NCOR2: variants seen among roughly 807,000 people sequenced by gnomAD.
The protein encoded by NCOR2 is CTG repeat protein 26.
A neutral mutation model predicts 262.9 loss-of-function variants in NCOR2; 81 were observed. The ratio of observed to expected loss-of-function variants is 0.31; its 90% confidence interval spans 0.26 to 0.37. NCOR2 has a LOEUF of 0.37. Ranked by LOEUF, NCOR2 falls within the 10% of genes least tolerant of loss-of-function variation. The pLI, the probability that NCOR2 is intolerant of heterozygous loss-of-function variation, is 1.00. For synonymous variants in NCOR2, 1,659 were observed against 1,559.3 expected, an observed-to-expected ratio of 1.06 and a Z score of -1.51; for missense variants, 3,385 against 3,621.4, an observed-to-expected ratio of 0.93 and a Z score of 1.68.
At chr12:124,361,385 G>C (rs1189249272) in intron 22 of NCOR2, among the ~76,000 whole-genome samples, 1 of 152,264 alleles carries the variant, frequency 6.6e-6, no homozygotes, top group African/African-American at 2.4e-5. Flanking sequence ...CTGACCTGGA[G>C]AAGATGCCTC....
Position 124,440,394 on chromosome 12 carries a change from C to A in NCOR2, c.816-2398G>T, listed in dbSNP as rs1400492077. 2.0e-5 allele frequency among the ~76,000 whole-genome samples: 3 copies of A among 152,134 alleles called. No individual in the cohort carries two copies. The highest frequency in any genetic ancestry group is 2.9e-5 in the Non-Finnish European group (2 of 68,002). Reference sequence around the variant, plus strand: ...CATTCTGGTGGTGACTTGGCCAGGGCCTCCCCACCTTCCATCAGTCTGGCC... The same window carrying A: ...CATTCTGGTGGTGACTTGGCCAGGGACTCCCCACCTTCCATCAGTCTGGCC... On this transcript the variant is annotated intron_variant, in intron 7 of 46. Transcript: ENST00000405201. This position sits in a 1 kb window ranked among gnomAD's most constrained non-coding sequence, Gnocchi z 5.7.
At chr12:124,536,104 T>C (rs1431868008), upstream of NCOR2, among the ~76,000 whole-genome samples, 1 of 152,162 alleles carries the variant, frequency 6.6e-6, no homozygotes, top group African/African-American at 2.4e-5. Context: ...GTTTTTGTTT[T>C]TGTTTTGGAT....
At chr12:124,512,143 C>A (rs2049427831) in intron 1 of NCOR2, among the ~76,000 whole-genome samples, 1 of 152,162 alleles carries the variant, frequency 6.6e-6, no homozygotes, top group South Asian at 2.1e-4. Context: ...AAATCCTGGG[C>A]TCAAGTGATG....
At chr12:124,445,065 G>A (rs778427210) in intron 7 of NCOR2, among the ~76,000 whole-genome samples, 1 of 152,200 alleles carries the variant, frequency 6.6e-6, no homozygotes, top group African/African-American at 2.4e-5. Context: ...TGAGGCAGCA[G>A]GAGGGAAGAA....
At chr12:124,430,897 CAA>C (rs1325773421) in intron 8 of NCOR2, 110 bp from the exon 11 acceptor site, 26 of 1,299,046 alleles carry the variant, frequency 2.0e-5, no homozygotes, top group Non-Finnish European at 2.6e-5. Context: ...CGCACACACA[CAA>C]AGTCACACAG....
chr12:124,544,099 G>A (rs2051467205), intron 1 of NCOR2, among the ~76,000 whole-genome samples: 3 of 152,320 alleles, frequency 2.0e-5, no homozygotes, highest in Admixed American at 1.3e-4. Flanking sequence ...CCCCTGCCCG[G>A]GGAGCCCCAG....
exon 47 of NCOR2, chr12:124,325,346 C>A: frequency 2.7e-6 from 3 of 1,122,310 alleles, no homozygotes; most frequent in Non-Finnish European, 2.3e-6. Context: ...TCCTGCAGGG[C>A]CGTTCCTGTG....
At chr12:124,414,020 G>A (rs922298261) in intron 13 of NCOR2, among the ~76,000 whole-genome samples, 13 of 145,658 alleles carry the variant, frequency 8.9e-5, no homozygotes, top group African/African-American at 3.2e-4. Flanking sequence ...TCCAGCATCC[G>A]ACTCCCCACT....
chr12:124,476,994 A>G (rs2047137377), intron 3 of NCOR2, among the ~76,000 whole-genome samples: 1 of 152,086 alleles, frequency 6.6e-6, no homozygotes, highest in African/African-American at 2.4e-5. Flanking sequence ...GTGGACAGAC[A>G]TAAAAGGCTG....
At chr12:124,437,732 C>T (rs1212602378) in intron 8 of NCOR2, among the ~76,000 whole-genome samples, 198 bp downstream of exon 10, 1 of 152,138 alleles carries the variant, frequency 6.6e-6, no homozygotes, top group African/African-American at 2.4e-5. Flanking sequence ...CCCCCACCCC[C>T]ACCCACCCTG....
chr12:124,367,439 G>A (rs2039126341), intron 20 of NCOR2, among the ~76,000 whole-genome samples: 2 of 152,132 alleles, frequency 1.3e-5, no homozygotes, highest in South Asian at 2.1e-4. Flanking sequence ...TCAAGTTCTC[G>A]AGGGGAACGA....
chr12:124,556,372 G>A (rs1383796120), intron 1 of NCOR2: 2 of 152,286 alleles, frequency 1.3e-5, no homozygotes, highest in East Asian at 1.9e-4. Flanking sequence ...ACACATCTAC[G>A]AGGCACCCAC....
intron 16 of NCOR2, among the ~76,000 whole-genome samples, chr12:124,391,751 A>AT (rs1328998219): frequency 6.6e-6 from 1 of 152,228 alleles, no homozygotes; most frequent in Non-Finnish European, 1.5e-5. Context: ...CATAGGTACG[A>AT]TGTGAAAAAG....
chr12:124,564,489 C>A (rs1594084249), intron 1 of NCOR2, among the ~76,000 whole-genome samples: 1 of 152,286 alleles, frequency 6.6e-6, no homozygotes, highest in East Asian at 1.9e-4. Context: ...GGAAAACACA[C>A]ACACACAAAT....
chr12:124,439,756 A>T (rs1363108576), intron 7 of NCOR2, among the ~76,000 whole-genome samples: 2 of 151,800 alleles, frequency 1.3e-5, no homozygotes, highest in African/African-American at 4.8e-5. Flanking sequence ...AGAGAGAGGC[A>T]GTCACAGAGA....
intron 1 of NCOR2, among the ~76,000 whole-genome samples, chr12:124,492,090 C>T (rs766635772): frequency 5.3e-5 from 8 of 152,198 alleles, no homozygotes; most frequent in Admixed American, 3.3e-4. Flanking sequence ...CCGCAGATGA[C>T]GCCAGGGCAG....
exon 5 of NCOR2, chr12:124,466,241 G>A (rs1443072498): frequency 6.2e-7 from 1 of 1,609,732 alleles, no homozygotes; most frequent in East Asian, 2.2e-5. Flanking sequence ...GGTGACACGG[G>A]CTTCTCAGGC....
intron 1 of NCOR2, 32 bp from the exon 4 acceptor site, chr12:124,486,600 G>A: frequency 6.5e-7 from 1 of 1,540,626 alleles, no homozygotes; most frequent in Non-Finnish European, 8.7e-7. Context: ...TGGTGAGCGT[G>A]GGCGGGCACG....
intron 1 of NCOR2, among the ~76,000 whole-genome samples, chr12:124,501,106 A>G (rs1016919070): frequency 1.4e-5 from 2 of 144,542 alleles, no homozygotes; most frequent in East Asian, 4.1e-4. Flanking sequence ...ACACACACAC[A>G]CTCGACAGAA....
Sources: allele counts gnomAD v4.1 joint callset (sites outside exome capture counted in the v4.1 genomes callset), GRCh38; gene constraint gnomAD v4.1.1; non-coding constraint Gnocchi (gnomAD v3.1); transcripts MANE v1.5; gene names NCBI Gene and HGNC (gene_info 2026-07-23, HGNC 2026-07-21).